The following KHDRBS2 variants were observed in gnomAD, a reference collection of about 807,000 sequenced individuals.
KHDRBS2 encodes KH RNA binding domain containing, signal transduction associated 2, also known as KH domain-containing, RNA-binding, signal transduction-associated protein 2.
In KHDRBS2, 26 loss-of-function variants were observed where a neutral mutation model predicts 44.3. That is an observed-to-expected ratio of 0.59 (90% CI 0.43 to 0.81). The LOEUF (loss-of-function observed/expected upper bound fraction) is 0.81. Ranked by LOEUF, KHDRBS2 falls within the 40% of genes least tolerant of loss-of-function variation. The probability of loss-of-function intolerance (pLI) is 0.00; values close to 1 mark genes in which losing one functional copy is unlikely to be tolerated. For synonymous variants in KHDRBS2, 194 were observed against 151.1 expected (o/e 1.28, Z -2.08); for missense variants, 476 against 433.1 (o/e 1.10, Z -0.88).
chr6:61,672,890 C>G, the KHDRBS2 span, among the ~76,000 whole-genome samples: 3 of 151,866 alleles, frequency 2.0e-5, no homozygotes, highest in African/African-American at 7.3e-5. Context: ...GTTGCCATTG[C>G]TTTTGGTGTT....
chr6:61,553,534 G>A, the KHDRBS2 span, among the ~76,000 whole-genome samples: 1 of 151,838 alleles, frequency 6.6e-6, no homozygotes, highest in African/African-American at 2.4e-5. Flanking sequence ...GTTATTTCTT[G>A]TCTTCAACTA....
At chr6:62,121,187 T>C (rs1008850615) in intron 2 of KHDRBS2, among the ~76,000 whole-genome samples, 1 of 152,162 alleles carries the variant, frequency 6.6e-6, no homozygotes, top group Non-Finnish European at 1.5e-5. Flanking sequence ...AATCCCCACA[T>C]TGGCTCCCTG....
intron 6 of KHDRBS2, among the ~76,000 whole-genome samples, chr6:61,852,504 C>A (rs1299558013): frequency 6.7e-6 from 1 of 148,932 alleles, no homozygotes; most frequent in Non-Finnish European, 1.5e-5. Flanking sequence ...GCAGAGGCTG[C>A]AGTGAGACGA....
At position 61,950,569 on chromosome 6, in the gene KHDRBS2, T is replaced by C. The variant is rs188930790; in HGVS notation, c.483+27497A>G. On this transcript the variant is annotated intron_variant, in intron 4 of 8. Transcript: ENST00000281156. ...GGGCTATGAAAATGTATATTTTCCA[T>C]GTAATTCTCTTATCTTGATGGATTT... Among the ~76,000 whole-genome samples the C allele has an allele frequency of 5.9e-5, 9 of 152,166 alleles. No individual in the cohort carries two copies. The East Asian group carries it at 1.4e-3, about 23-fold the overall frequency.
chr6:61,787,380 T>G (rs1408346912), intron 6 of KHDRBS2, among the ~76,000 whole-genome samples: 1 of 151,740 alleles, frequency 6.6e-6, no homozygotes, highest in African/African-American at 2.4e-5. Flanking sequence ...AGTTTCAACT[T>G]TCTTGTAATT....
chr6:62,036,877 C>T (rs1785388438), intron 3 of KHDRBS2, among the ~76,000 whole-genome samples: 1 of 151,898 alleles, frequency 6.6e-6, no homozygotes, highest in Non-Finnish European at 1.5e-5. Context: ...TTTAAGATTG[C>T]ATAAACTAAC....
chr6:61,601,328 T>A, the KHDRBS2 span, among the ~76,000 whole-genome samples: 1 of 152,012 alleles, frequency 6.6e-6, no homozygotes, highest in African/African-American at 2.4e-5. Flanking sequence ...TAGGCAAACT[T>A]CCACCCTCCA....
intron 3 of KHDRBS2, among the ~76,000 whole-genome samples, chr6:62,031,126 A>T (rs1203411898): frequency 6.6e-6 from 1 of 152,108 alleles, no homozygotes. Context: ...CCAGGGGTGG[A>T]GGGAGGCTCA....
chr6:61,637,842 G>A, the KHDRBS2 span, among the ~76,000 whole-genome samples: 2 of 152,212 alleles, frequency 1.3e-5, no homozygotes, highest in South Asian at 4.2e-4. Flanking sequence ...CTTTTGAGAA[G>A]TGTCTGTTCA....
At chr6:61,945,102 A>ATAT (rs1456176748) in intron 4 of KHDRBS2, among the ~76,000 whole-genome samples, 4,492 of 71,470 alleles carry the variant, frequency 0.063, 531 homozygotes, top group South Asian at 0.09. Context: ...AAAAAAAAAA[A>ATAT]AAAAAAAAAA....
At chr6:61,630,830 G>A in the KHDRBS2 span, among the ~76,000 whole-genome samples, 1 of 152,108 alleles carries the variant, frequency 6.6e-6, no homozygotes, top group Non-Finnish European at 1.5e-5. Context: ...TTGGAGTTTG[G>A]TGTATATTTT....
At chr6:61,705,693 C>T (rs1205097105) in intron 7 of KHDRBS2, among the ~76,000 whole-genome samples, 1 of 151,678 alleles carries the variant, frequency 6.6e-6, no homozygotes, top group South Asian at 2.1e-4. Context: ...GCTGTGAGCT[C>T]CTCTCTACAT....
chr6:61,653,830 G>C, the KHDRBS2 span, among the ~76,000 whole-genome samples: 1 of 151,964 alleles, frequency 6.6e-6, no homozygotes, highest in African/African-American at 2.4e-5. Context: ...CAGTGTAATA[G>C]GACGGGTATA....
intron 2 of KHDRBS2, among the ~76,000 whole-genome samples, chr6:62,062,363 A>T (rs1792187944): frequency 7.0e-6 from 1 of 142,718 alleles, no homozygotes; most frequent in South Asian, 2.3e-4. Context: ...TCCAAAATTG[A>T]CCACATACTT....
intron 3 of KHDRBS2, among the ~76,000 whole-genome samples, chr6:62,025,439 ATT>A (rs1328944309): frequency 6.6e-6 from 1 of 151,780 alleles, no homozygotes; most frequent in Admixed American, 6.6e-5. Context: ...AATATACACT[ATT>A]AACTTATTTT....
chr6:61,922,718 A>T (rs1374390466), intron 4 of KHDRBS2, among the ~76,000 whole-genome samples: 1 of 152,222 alleles, frequency 6.6e-6, no homozygotes, highest in South Asian at 2.1e-4. Context: ...GAGGGTGAAT[A>T]ATTATCTCTA....
chr6:62,196,918 A>G (rs1345129820), intron 1 of KHDRBS2, among the ~76,000 whole-genome samples: 2 of 152,068 alleles, frequency 1.3e-5, no homozygotes, highest in Non-Finnish European at 2.9e-5. Context: ...GCGCCCATAA[A>G]GCATAGATGT....
rs113219094 is a variant in KHDRBS2, at chr6:62,099,784, T to C, written c.220-51790A>G. ...TAGACCTACCTGCTGCTGAGGTAGG[T>C]CTCAGGACCACCACTCATTGACAAC... On this transcript the variant is annotated intron_variant, in intron 2 of 8. Transcript: ENST00000281156. Among the ~76,000 whole-genome samples the C allele has an allele frequency of 5.3e-5, 8 of 152,272 alleles. 1 individual carries two copies. Among genetic ancestry groups the C allele is most frequent in the Admixed American group, 3.3e-4 (5 of 15,296 alleles).
intron 3 of KHDRBS2, among the ~76,000 whole-genome samples, chr6:62,016,990 T>C (rs1474813181): frequency 6.6e-6 from 1 of 152,104 alleles, no homozygotes; most frequent in Non-Finnish European, 1.5e-5. Context: ...TGAAAAGAAA[T>C]GCCCTGTATT....
Sources: allele counts gnomAD v4.1 joint callset (sites outside exome capture counted in the v4.1 genomes callset), GRCh38; gene constraint gnomAD v4.1.1; transcripts MANE v1.5; gene names NCBI Gene and HGNC (gene_info 2026-07-23, HGNC 2026-07-21).